The following LRRC37A2 variants were observed in gnomAD, a reference collection of about 807,000 sequenced individuals.
LRRC37A2 encodes leucine-rich repeat-containing protein 37A2.
A neutral mutation model predicts 68.8 loss-of-function variants in LRRC37A2; 9 were observed. That is an observed-to-expected ratio of 0.13 (90% confidence interval 0.08 to 0.23). LRRC37A2 has a LOEUF of 0.23. Ranked by LOEUF, LRRC37A2 falls within the 10% of genes least tolerant of loss-of-function variation. The probability of loss-of-function intolerance (pLI) is 1.00; values close to 1 mark genes in which losing one functional copy is unlikely to be tolerated. For missense variants in LRRC37A2, 168 were observed against 950.4 expected, an observed-to-expected ratio of 0.18 and a Z score of 10.82; for synonymous variants, 63 against 367.6, an observed-to-expected ratio of 0.17 and a Z score of 9.48.
chr17:46,569,578 AG>A, the LRRC37A2 span, among the ~76,000 whole-genome samples: 1 of 126,134 alleles, frequency 7.9e-6, no homozygotes, highest in Non-Finnish European at 1.6e-5. Flanking sequence ...TAAAATCTAT[AG>A]CCTGGAAAAG....
At chr17:46,769,831 C>T in the LRRC37A2 span, 10 of 1,613,072 alleles carry the variant, frequency 6.2e-6, no homozygotes, top group Middle Eastern at 3.3e-4. Flanking sequence ...AGCGCGCGTC[C>T]GGCCTGTTCT....
chr17:46,881,060 A>G, the LRRC37A2 span, among the ~76,000 whole-genome samples: 1 of 152,200 alleles, frequency 6.6e-6, no homozygotes, highest in African/African-American at 2.4e-5. Context: ...TTCCTTCCCA[A>G]CATGCTTTGG....
chr17:46,951,440 G>T, the LRRC37A2 span, among the ~76,000 whole-genome samples: 1 of 152,196 alleles, frequency 6.6e-6, no homozygotes, highest in Non-Finnish European at 1.5e-5. Context: ...TGCCGCGCCA[G>T]CCCACGTCTC....
the LRRC37A2 span, among the ~76,000 whole-genome samples, chr17:46,754,317 A>G: frequency 6.6e-6 from 1 of 151,628 alleles, no homozygotes; most frequent in African/African-American, 2.4e-5. Context: ...TTTTTCTGGG[A>G]TAGAAGAAAT....
chr17:46,717,854 A>G, the LRRC37A2 span, among the ~76,000 whole-genome samples: 90 of 152,310 alleles, frequency 5.9e-4, no homozygotes, highest in African/African-American at 2.0e-3. Flanking sequence ...GTCCTGGAGC[A>G]TGATGGAAAG....
At chr17:46,548,237 G>C in intron 9 of LRRC37A2, 75 bp from the exon 9 acceptor site, 1 of 330,330 alleles carries the variant, frequency 3.0e-6, no homozygotes, top group South Asian at 2.4e-5. Context: ...TGTGTGACTG[G>C]GGTGTACAGC....
the LRRC37A2 span, among the ~76,000 whole-genome samples, chr17:46,909,094 C>T: frequency 2.6e-5 from 4 of 152,228 alleles, no homozygotes; most frequent in Non-Finnish European, 5.9e-5. Flanking sequence ...CTCTGTCACC[C>T]AGGCTGGAGT....
the LRRC37A2 span, among the ~76,000 whole-genome samples, chr17:46,822,167 G>C: frequency 6.6e-6 from 1 of 152,226 alleles, no homozygotes; most frequent in African/African-American, 2.4e-5. Context: ...GGGCTCCAAG[G>C]CCTCTGACCT....
At chr17:46,467,861 G>C in the LRRC37A2 span, among the ~76,000 whole-genome samples, 1 of 101,916 alleles carries the variant, frequency 9.8e-6, no homozygotes, top group African/African-American at 3.7e-5. Context: ...AACAGCGTCA[G>C]CTCTGTTTCT....
the LRRC37A2 span, chr17:46,710,873 C>A: frequency 8.6e-7 from 1 of 1,159,854 alleles, no homozygotes; most frequent in Non-Finnish European, 1.2e-6. Context: ...TGATCAATAC[C>A]TTTAGCATGT....
At chr17:46,534,595 C>A (rs1317575415) in intron 6 of LRRC37A2, among the ~76,000 whole-genome samples, 3 of 148,132 alleles carry the variant, frequency 2.0e-5, no homozygotes, top group Non-Finnish European at 4.4e-5. Context: ...ATGTCTACTT[C>A]TTTCTACACA....
the LRRC37A2 span, among the ~76,000 whole-genome samples, chr17:46,501,182 A>G: frequency 2.0e-5 from 3 of 151,076 alleles, 1 homozygote; most frequent in Non-Finnish European, 4.4e-5. Flanking sequence ...ATGCCCAGCT[A>G]TATTGACTTG....
intron 6 of LRRC37A2, chr17:46,528,724 C>G (rs1202176016): frequency 3.5e-6 from 2 of 572,086 alleles, no homozygotes; most frequent in African/African-American, 2.7e-5. Context: ...GACTTCATCT[C>G]AAAAAAAAAA....
chr17:46,831,286 G>A, the LRRC37A2 span: 2 of 152,292 alleles, frequency 1.3e-5, no homozygotes, highest in Non-Finnish European at 2.9e-5. Context: ...CAGAACCCCA[G>A]AATTGCACCC....
the LRRC37A2 span, among the ~76,000 whole-genome samples, chr17:46,797,479 C>T: frequency 6.6e-6 from 1 of 152,208 alleles, no homozygotes; most frequent in African/African-American, 2.4e-5. Flanking sequence ...CAGTGGAGTC[C>T]TCAGGAGTGG....
At chr17:46,844,723 A>C in the LRRC37A2 span, among the ~76,000 whole-genome samples, 1 of 152,190 alleles carries the variant, frequency 6.6e-6, no homozygotes, top group African/African-American at 2.4e-5. Flanking sequence ...TGCAGACCCA[A>C]ATCTATAGGA....
In LRRC37A2 at chr17:46,549,355, A is replaced by G. The variant is rs576422074; in HGVS notation, c.4216A>G (p.Thr1406Ala). 350 of 1,590,834 alleles carry G rather than the reference A, an allele frequency of 2.2e-4. 5 individuals are homozygous for G. In the East Asian group the frequency reaches 5.5e-3, roughly 25 times the overall value. Residue 1406 changes from threonine to alanine, a missense_variant, in exon 10 of 15, where the codon ACT becomes GCT. Thr to Ala is a moderately conservative substitution (Grantham distance 58). Transcript: ENST00000576629. ...TGAAGAAAATGATTTTATGGAAAAC[A>G]CTAACATGCCAGAAGGAACCATCTC...
rs867388714 is a variant in LRRC37A2 at position 46,552,760 on chromosome 17, A to G, written c.4810-640A>G. The G allele has an allele frequency of 3.2e-5, 3 of 94,128 alleles. 1 individual carries two copies. Among genetic ancestry groups the G allele is most frequent in the African/African-American group, 4.0e-5 (1 of 25,096 alleles). 5.8% of individuals were successfully genotyped at this position (94,128 alleles called of 1,614,324 possible). A position where few individuals can be genotyped will look rare whatever the true frequency, so the allele number is the denominator to read the frequency against. Reference sequence around the variant, plus strand: ...AAGTACAATATAACAACTGTCAACAATGTACAATATGTATACATTTTATTA... The same window carrying G: ...AAGTACAATATAACAACTGTCAACAGTGTACAATATGTATACATTTTATTA... On this transcript the variant is annotated intron_variant, in intron 11 of 14. Transcript: ENST00000576629.
the LRRC37A2 span, among the ~76,000 whole-genome samples, chr17:46,743,474 T>A: frequency 1.3e-5 from 2 of 152,192 alleles, no homozygotes; most frequent in Non-Finnish European, 2.9e-5. Flanking sequence ...ATCGCATATT[T>A]ATGGTTGAGG....
Sources: allele counts gnomAD v4.1 joint callset (sites outside exome capture counted in the v4.1 genomes callset), GRCh38; gene constraint gnomAD v4.1.1; transcripts MANE v1.5; gene names NCBI Gene and HGNC (gene_info 2026-07-23, HGNC 2026-07-21).